CFAP251: variants seen among roughly 807,000 people sequenced by gnomAD.
CFAP251 encodes cilia- and flagella-associated protein 251.
Under a neutral mutation model 126.7 loss-of-function variants are expected in CFAP251, and 93 were observed. The ratio of observed to expected loss-of-function variants is 0.73; its 90% CI spans 0.62 to 0.87. The LOEUF (loss-of-function observed/expected upper bound fraction) is 0.87, where lower values mean the gene tolerates loss of function less well. Ranked by LOEUF, CFAP251 falls within the 40% of genes least tolerant of loss-of-function variation. The pLI, the probability that CFAP251 is intolerant of heterozygous loss-of-function variation, is 0.00. For missense variants in CFAP251, 1,287 were observed against 1,389.2 expected, an observed-to-expected ratio of 0.93 and a Z score of 1.17; for synonymous variants, 503 against 506.9, an observed-to-expected ratio of 0.99 and a Z score of 0.10.
At chr12:121,926,618 G>A (rs547916383) in intron 3 of CFAP251, among the ~76,000 whole-genome samples, 9 of 152,236 alleles carry the variant, frequency 5.9e-5, no homozygotes, top group Non-Finnish European at 1.2e-4. Flanking sequence ...GTGAGCTACC[G>A]TACCCGGCCT....
chr12:121,938,831 A>C (rs933441086), intron 5 of CFAP251, among the ~76,000 whole-genome samples: 5 of 151,524 alleles, frequency 3.3e-5, no homozygotes, highest in African/African-American at 1.2e-4. Context: ...AAAATACAAA[A>C]TACAAAAAAT....
intron 4 of CFAP251, chr12:121,933,166 G>A (rs1880758606): frequency 6.6e-6 from 1 of 152,264 alleles, no homozygotes; most frequent in African/African-American, 2.4e-5. Flanking sequence ...TGTAACCAGT[G>A]CTTGAAAGGA....
In CFAP251 at chr12:121,942,542, T is replaced by C. The variant is rs370870006; in HGVS notation, c.1007T>C (p.Val336Ala). The C allele has an allele frequency of 4.5e-5, 73 of 1,613,306 alleles. No homozygotes were observed. In the African/African-American group the frequency reaches 7.9e-4, roughly 17 times the overall value. Residue 336 changes from valine to alanine, a missense_variant, in exon 6 of 22, where the codon GTG becomes GCG. By Grantham distance (64) the Val-to-Ala change is moderately conservative. Coordinates refer to ENST00000288912, the MANE Select transcript of CFAP251 (RefSeq NM_144668.6). ...CTTGTCCTGTTTTGCAGTATTCCTG[T>C]GCACACAATATTTGACAGCTGCCCT... is the stretch of plus-strand genomic sequence containing the variant. ...IIWDSFTGIP[V>A]HTIFDSCPEG...
rs141260746 is a variant in CFAP251 at position 121,999,754 on chromosome 12, T to C, written c.3045T>C (p.Tyr1015=). Reference sequence around the variant, plus strand: ...TTAACGAAATCAAATTTGGTGAATATGTGGACACTGGAAAGCTAATCGACA... The same window carrying C: ...TTAACGAAATCAAATTTGGTGAATACGTGGACACTGGAAAGCTAATCGACA... ...DIFNEIKFGE[Y]VDTGKLIDKI... Residue 1015 remains tyrosine, a synonymous_variant, in exon 20 of 22, where the codon TAT becomes TAC. Transcript: ENST00000288912. The C allele has an allele frequency of 2.5e-6, 4 of 1,613,256 alleles. No individual in the cohort carries two copies. In the African/African-American group the frequency reaches 5.3e-5, roughly 21 times the overall value.
Position 121,949,075 on chromosome 12 carries a change from T to A in CFAP251, c.1269+14T>A, listed in dbSNP as rs760787473. On this transcript the variant is annotated intron_variant, in intron 8 of 21. Coordinates refer to ENST00000288912, the MANE Select transcript of CFAP251 (RefSeq NM_144668.6). ...TATTATGCATGGGTAAGCAGAAATATTTTGATTTGTTTTAAATGTGGGTAG... is the reference window on the plus strand; with the variant it reads ...TATTATGCATGGGTAAGCAGAAATAATTTGATTTGTTTTAAATGTGGGTAG... 6 of 1,525,736 alleles carry A rather than the reference T, an allele frequency of 3.9e-6. No homozygotes were observed. In the South Asian group the frequency reaches 6.2e-5, roughly 16 times the overall value. The allele number at this position is 1,525,736 out of a possible 1,614,324, so 94.5% of individuals were successfully genotyped here. A position where few individuals can be genotyped will look rare whatever the true frequency, so the allele number is the denominator to read the frequency against.
At chr12:121,967,143 C>A in intron 16 of CFAP251, 74 bp downstream of exon 16, 2 of 1,391,004 alleles carry the variant, frequency 1.4e-6, no homozygotes, top group Non-Finnish European at 2.0e-6. Flanking sequence ...CTGAAGATCA[C>A]GAGACTCAGA....
intron 5 of CFAP251, among the ~76,000 whole-genome samples, chr12:121,938,960 C>T (rs1384982083): frequency 1.3e-5 from 2 of 151,352 alleles, no homozygotes; most frequent in African/African-American, 4.8e-5. Flanking sequence ...GCACTCCAAT[C>T]TGGGCGACAG....
At chr12:121,973,647 G>A (rs1026933320) in intron 17 of CFAP251, among the ~76,000 whole-genome samples, 13 of 152,210 alleles carry the variant, frequency 8.5e-5, no homozygotes, top group East Asian at 1.9e-4. Flanking sequence ...TTGCATCAGC[G>A]TGACCTGGAT....
chr12:121,968,253 T>C (rs542054052), intron 17 of CFAP251, 84 bp downstream of exon 17: 165 of 1,372,726 alleles, frequency 1.2e-4, no homozygotes, highest in Admixed American at 1.4e-4. Context: ...CCCTACTGCG[T>C]GCCAGGCACT....
intron 15 of CFAP251, among the ~76,000 whole-genome samples, chr12:121,965,896 T>G (rs1249388944): frequency 2.0e-5 from 3 of 149,232 alleles, no homozygotes; most frequent in Non-Finnish European, 4.4e-5. Context: ...CTCAGCTCAC[T>G]GCAGCCTCGA....
At chr12:121,940,288 A>G (rs1241640361) in intron 5 of CFAP251, among the ~76,000 whole-genome samples, 2 of 152,154 alleles carry the variant, frequency 1.3e-5, no homozygotes, top group African/African-American at 4.8e-5. Context: ...AATTCCAAGT[A>G]TCTCCAGGGA....
intron 7 of CFAP251, among the ~76,000 whole-genome samples, chr12:121,946,712 C>T (rs957622733): frequency 1.3e-5 from 2 of 151,966 alleles, no homozygotes; most frequent in African/African-American, 4.8e-5. Context: ...ATTTTCCCAC[C>T]TCAGCCTCCC....
At chr12:121,957,378 G>A in intron 11 of CFAP251, 110 bp downstream of exon 11, 1 of 1,104,454 alleles carries the variant, frequency 9.1e-7, no homozygotes, top group Non-Finnish European at 1.3e-6. Context: ...CTCCCTGGCT[G>A]ATTGTGATAA....
At chr12:121,987,077 C>A (rs760468991) in intron 19 of CFAP251, among the ~76,000 whole-genome samples, 1 of 152,134 alleles carries the variant, frequency 6.6e-6, no homozygotes, top group African/African-American at 2.4e-5. Flanking sequence ...TCACCCATAA[C>A]GAGGGGGGTA....
Position 121,959,069 on chromosome 12 carries a change from A to G in CFAP251, c.2108A>G (p.His703Arg), listed in dbSNP as rs1192002717. 17 of 1,606,160 alleles carry G rather than the reference A, an allele frequency of 1.1e-5. No individual in the cohort carries two copies. The highest frequency in any genetic ancestry group is 3.5e-5 in the Admixed American group (2 of 57,544). The change falls in exon 13 of 22, where the codon CAT becomes CGT. Residue 703 changes from histidine (H) to arginine (R), a missense_variant. His to Arg is a conservative substitution (Grantham distance 29, BLOSUM62 0). Coordinates refer to ENST00000288912, the MANE Select transcript of CFAP251 (RefSeq NM_144668.6). ...AGTGTGACTCATATAAGCTTTTCCCATGACTCCCAGTATATGGCAACTGCT... is the reference window on the plus strand; with the variant it reads ...AGTGTGACTCATATAAGCTTTTCCCGTGACTCCCAGTATATGGCAACTGCT... ...RTSVTHISFS[H>R]DSQYMATADR... is the part of the protein sequence containing the mutation.
intron 17 of CFAP251, chr12:121,969,800 GTCT>G (rs1882272837): frequency 6.1e-6 from 6 of 985,384 alleles, no homozygotes; most frequent in Non-Finnish European, 7.2e-6. Flanking sequence ...TGAAATGTTT[GTCT>G]TCTTCTCAGT....
At chr12:121,941,330 C>CTTTTT (rs68005842) in intron 5 of CFAP251, among the ~76,000 whole-genome samples, 30 of 87,686 alleles carry the variant, frequency 3.4e-4, no homozygotes, top group African/African-American at 1.2e-3. Flanking sequence ...CCATGCTGGC[C>CTTTTT]TTTTTTTTTT....
chr12:121,927,095 T>C (rs1293310333), intron 3 of CFAP251, among the ~76,000 whole-genome samples: 5 of 152,018 alleles, frequency 3.3e-5, no homozygotes, highest in African/African-American at 1.2e-4. Context: ...CTGTGACTGC[T>C]CCTCTCCTGA....
intron 14 of CFAP251, among the ~76,000 whole-genome samples, chr12:121,961,475 T>C (rs912682419): frequency 6.6e-6 from 1 of 152,172 alleles, no homozygotes; most frequent in African/African-American, 2.4e-5. Context: ...GTTCAGTGGC[T>C]ACTGATTTGT....
Sources: gnomAD v4.1 joint callset for allele counts (sites outside exome capture counted in the v4.1 genomes callset) on GRCh38, gnomAD v4.1.1 for gene constraint, MANE v1.5 for transcripts, NCBI Gene and HGNC (gene_info 2026-07-23, HGNC 2026-07-21) for gene names.